LRCH2: variants seen among roughly 807,000 people sequenced by gnomAD.
LRCH2 encodes leucine rich repeats and calponin homology domain containing 2, also known as leucine-rich repeat and calponin homology domain-containing protein 2.
LRCH2 carries 38 observed loss-of-function variants against 68.9 expected under a neutral mutation model. The observed-to-expected ratio is 0.55, with a 90% CI of 0.43 to 0.72. LRCH2 has a LOEUF of 0.72. Among genes scored for constraint, LRCH2 ranks in the 30% least tolerant of loss-of-function variants. The pLI, the probability that LRCH2 is intolerant of heterozygous loss-of-function variation, is 0.00. For missense variants in LRCH2, 528 were observed against 572.9 expected (o/e 0.92, Z 0.80); for synonymous variants, 191 against 208.1 (o/e 0.92, Z 0.71).
intron 20 of LRCH2, among the ~76,000 whole-genome samples, chrX:115,121,142 G>C (rs1556525864): frequency 9.2e-6 from 1 of 108,394 alleles, no homozygotes; most frequent in Admixed American, 1.0e-4. Context: ...TGCACATTGT[G>C]CACATGTGCC....
intron 3 of LRCH2, among the ~76,000 whole-genome samples, chrX:115,181,200 G>C (rs1389440369): frequency 9.0e-6 from 1 of 111,341 alleles, no homozygotes; most frequent in Non-Finnish European, 1.9e-5. Flanking sequence ...GAGGGAAATG[G>C]GCAAGGGAGA....
At chrX:115,175,164 CA>C (rs1556549733) in intron 5 of LRCH2, among the ~76,000 whole-genome samples, 1 of 111,941 alleles carries the variant, frequency 8.9e-6, no homozygotes, top group African/African-American at 3.2e-5. Flanking sequence ...CATTGAGGTT[CA>C]GAAAATGATA....
At chrX:115,212,896 T>G (rs2073017869) in intron 1 of LRCH2, among the ~76,000 whole-genome samples, 1 of 108,686 alleles carries the variant, frequency 9.2e-6, no homozygotes, top group South Asian at 4.3e-4. Flanking sequence ...CACCTGAGCC[T>G]GGGGAGGTTG....
At chrX:115,116,080 A>G (rs1164240171) in intron 20 of LRCH2, among the ~76,000 whole-genome samples, 1 of 111,483 alleles carries the variant, frequency 9.0e-6, no homozygotes, top group Non-Finnish European at 1.9e-5. Context: ...TGAAGAAATT[A>G]GAACCCTCAT....
chrX:115,187,497 C>T (rs2072742057), intron 2 of LRCH2, among the ~76,000 whole-genome samples: 2 of 111,922 alleles, frequency 1.8e-5, no homozygotes, highest in Non-Finnish European at 3.8e-5. Flanking sequence ...TATAGCCAGA[C>T]TGCTTTGATT....
chrX:115,180,440 TTTA>T (rs1168394344), intron 3 of LRCH2, among the ~76,000 whole-genome samples: 2 of 109,868 alleles, frequency 1.8e-5, no homozygotes, highest in Non-Finnish European at 3.8e-5. Flanking sequence ...GAGGTTTTTA[TTTA>T]TTATCATAAT....
chrX:115,123,126 A>C lies in LRCH2; in HGVS notation c.1916T>G (p.Met639Arg). ...ADPGFTMRRKMEHLREEREQI... is the reference protein window; with the variant it reads ...ADPGFTMRRKREHLREEREQI... ...CTCTCGCTCTTCCCGTAAATGTTCCATCTTTCTTCTCATTGTAAATCCTGG... is the reference window on the plus strand; with the variant it reads ...CTCTCGCTCTTCCCGTAAATGTTCCCTCTTTCTTCTCATTGTAAATCCTGG... The change falls in exon 18 of 21, where the codon ATG becomes AGG. Residue 639 changes from methionine (M) to arginine (R), a missense_variant. Coordinates refer to ENST00000317135, the MANE Select transcript of LRCH2 (RefSeq NM_020871.4). 1 of 1,210,415 alleles carries C rather than the reference A, an allele frequency of 8.3e-7. No individual in the cohort carries two copies. Among genetic ancestry groups the C allele is most frequent in the Non-Finnish European group, 1.1e-6 (1 of 894,958 alleles).
At chrX:115,168,957 G>A (rs1326556551) in intron 6 of LRCH2, among the ~76,000 whole-genome samples, 2 of 111,288 alleles carry the variant, frequency 1.8e-5, no homozygotes, top group African/African-American at 3.3e-5. Context: ...CATGTACCAC[G>A]TTTCCCTTCA....
rs1223315751 is a variant in LRCH2 at position 115,189,953 on chromosome X, C to T, written c.350-1583G>A. ...AAGAGGGCCACGCCGTCGAGCCTGG[C>T]TCACAGCGTTGGCTGTGGAATGCGC... is the stretch of plus-strand genomic sequence containing the variant. On this transcript the variant is annotated intron_variant, in intron 1 of 20. Transcript: ENST00000317135. 3.4e-6 allele frequency: 4 copies of T among 1,160,816 alleles called. No individual in the cohort carries two copies. The East Asian group carries it at 1.3e-4, about 38-fold the overall frequency.
Position 115,113,463 on chromosome X carries a change from T to C in LRCH2, c.2179-128A>G, listed in dbSNP as rs184120455. On this transcript the variant is annotated intron_variant, in intron 20 of 20. Transcript: ENST00000317135. ...AAACTACATAATTCTAAGTTTTCTC[T>C]TATAAATATTGTAATCTAAAATGTT... The C allele has an allele frequency of 1.2e-3, 591 of 483,188 alleles. 7 individuals are homozygous for C. Among genetic ancestry groups the C allele is most frequent in the East Asian group, 0.012 (293 of 24,237 alleles). 39.8% of individuals were successfully genotyped at this position (483,188 alleles called of 1,213,427 possible). A position where few individuals can be genotyped will look rare whatever the true frequency, so the allele number is the denominator to read the frequency against.
At chrX:115,221,244 T>TATATAA (rs1184641014) in intron 1 of LRCH2, among the ~76,000 whole-genome samples, 2 of 86,539 alleles carry the variant, frequency 2.3e-5, no homozygotes, top group African/African-American at 1.0e-4. Context: ...TATATATATA[T>TATATAA]AAACTACAGC....
chrX:115,215,813 A>G (rs908736938), intron 1 of LRCH2, among the ~76,000 whole-genome samples: 2 of 109,348 alleles, frequency 1.8e-5, no homozygotes, highest in Non-Finnish European at 3.8e-5. Flanking sequence ...AATCAAATTT[A>G]AAGGTTTTAA....
chrX:115,214,061 A>T (rs782678395), intron 1 of LRCH2, among the ~76,000 whole-genome samples: 1 of 112,225 alleles, frequency 8.9e-6, no homozygotes, highest in Admixed American at 9.5e-5. Context: ...GAGAGTGCAT[A>T]AAATCAGCCA....
At chrX:115,179,214 G>A (rs184749299) in intron 5 of LRCH2, among the ~76,000 whole-genome samples, 273 of 111,612 alleles carry the variant, frequency 2.4e-3, no homozygotes, top group African/African-American at 8.1e-3. Flanking sequence ...TTCACAAGCA[G>A]AAAGTTATTA....
In LRCH2 at chrX:115,111,095, T is replaced by C. The variant is rs915196364; in HGVS notation, c.*2121A>G. The C allele has an allele frequency of 4.5e-5, 5 of 111,553 alleles. No homozygotes were observed. Among genetic ancestry groups the C allele is most frequent in the Non-Finnish European group, 9.4e-5 (5 of 53,116 alleles). The allele number at this position is 111,553 out of a possible 1,213,427, so 9.2% of individuals were successfully genotyped here. On this transcript the variant is annotated 3_prime_UTR_variant, in exon 21 of 21. Transcript: ENST00000317135. Reference sequence around the variant, plus strand: ...ACATCAGAGCCTTGGTATAACATTGTAGGGGACCATGCTGTGAAACTGCTT... The same window carrying C: ...ACATCAGAGCCTTGGTATAACATTGCAGGGGACCATGCTGTGAAACTGCTT...
rs910296613 is a variant in LRCH2, at chrX:115,190,069, C to T, written c.350-1699G>A. 30 of 1,152,008 alleles carry T rather than the reference C, an allele frequency of 2.6e-5. No homozygotes were observed. Among genetic ancestry groups the T allele is most frequent in the Non-Finnish European group, 3.2e-5 (28 of 865,379 alleles). 94.9% of individuals were successfully genotyped at this position (1,152,008 alleles called of 1,213,427 possible). A position where few individuals can be genotyped will look rare whatever the true frequency, so the allele number is the denominator to read the frequency against. On this transcript the variant is annotated intron_variant, in intron 1 of 20. Coordinates refer to ENST00000317135, the MANE Select transcript of LRCH2 (RefSeq NM_020871.4). ...CCCACCCCACAAGAGGGCTGTGCCC[C>T]GGTCAAGCCTGGCTCGCATTGGCGG... is the stretch of plus-strand genomic sequence containing the variant.
intron 17 of LRCH2, 63 bp downstream of exon 17, chrX:115,123,882 T>C: frequency 4.1e-6 from 3 of 730,223 alleles, no homozygotes; most frequent in Non-Finnish European, 6.0e-6. Flanking sequence ...ATCAATCCCA[T>C]TTAAGCTGGG....
At chrX:115,141,076 CAA>C (rs782306027) in intron 14 of LRCH2, among the ~76,000 whole-genome samples, 1 of 98,424 alleles carries the variant, frequency 1.0e-5, no homozygotes, top group Non-Finnish European at 2.1e-5. Flanking sequence ...ACTAAAAATA[CAA>C]AAAAAAAAAA....
intron 11 of LRCH2, 91 bp from the exon 12 acceptor site, chrX:115,156,758 G>T: frequency 2.2e-6 from 1 of 454,741 alleles, no homozygotes; most frequent in Non-Finnish European, 3.5e-6. Flanking sequence ...ACTGCATCTG[G>T]TCCTTGAAGA....
Sources: allele counts gnomAD v4.1 joint callset (sites outside exome capture counted in the v4.1 genomes callset), GRCh38; gene constraint gnomAD v4.1.1; transcripts MANE v1.5; gene names NCBI Gene and HGNC (gene_info 2026-07-23, HGNC 2026-07-21).